DCC: variants seen among roughly 807,000 people sequenced by gnomAD.
DCC encodes DCC netrin 1 receptor.
A neutral mutation model predicts 172.5 loss-of-function variants in DCC; 58 were observed. The ratio of observed to expected loss-of-function variants is 0.34; its 90% CI spans 0.27 to 0.42. The LOEUF (loss-of-function observed/expected upper bound fraction) is 0.42, where lower values mean the gene tolerates loss of function less well. Among genes scored for constraint, DCC ranks in the 10% least tolerant of loss-of-function variants. DCC has a pLI of 1.00. For synonymous variants in DCC, 709 were observed against 644.5 expected (o/e 1.10, Z -1.52); for missense variants, 1,740 against 1,791.0 (o/e 0.97, Z 0.51).
chr18:52,747,570 C>T (rs2036925412), intron 1 of DCC, among the ~76,000 whole-genome samples: 1 of 152,154 alleles, frequency 6.6e-6, no homozygotes, highest in African/African-American at 2.4e-5. Flanking sequence ...CTCTGAGTAC[C>T]TAATTCCAGA....
chr18:52,874,021 C>A (rs527642400), intron 2 of DCC, among the ~76,000 whole-genome samples: 2 of 152,174 alleles, frequency 1.3e-5, no homozygotes, highest in South Asian at 2.1e-4. Context: ...TCTTCACGAT[C>A]AAAAATCAGT....
intron 21 of DCC, among the ~76,000 whole-genome samples, chr18:53,427,323 A>G (rs1555670207): frequency 6.6e-6 from 1 of 152,112 alleles, no homozygotes; most frequent in Non-Finnish European, 1.5e-5. Context: ...AGTGTGCATA[A>G]AAGGAGATTC....
intron 1 of DCC, among the ~76,000 whole-genome samples, chr18:52,664,828 G>A (rs910194141): frequency 1.2e-4 from 18 of 152,136 alleles, no homozygotes; most frequent in African/African-American, 4.3e-4. Flanking sequence ...CCTGTTATAT[G>A]ATGCGGCCAT....
intron 7 of DCC, among the ~76,000 whole-genome samples, chr18:53,122,513 A>AT (rs33921275): frequency 0.054 from 8,226 of 151,908 alleles, 295 homozygotes; most frequent in East Asian, 0.12. Context: ...TAAGATACAG[A>AT]TTTTTTTTCA....
At chr18:52,861,011 CAAA>C (rs74178687) in intron 2 of DCC, among the ~76,000 whole-genome samples, 20 of 120,946 alleles carry the variant, frequency 1.7e-4, no homozygotes, top group Admixed American at 6.7e-4. Flanking sequence ...GAATCCATTT[CAAA>C]AAAAAAAAAA....
intron 27 of DCC, among the ~76,000 whole-genome samples, chr18:53,501,563 G>T (rs1285914873): frequency 6.7e-6 from 1 of 150,244 alleles, no homozygotes; most frequent in Non-Finnish European, 1.5e-5. Flanking sequence ...ATGAGGAAAG[G>T]TAAGAACCTT....
chr18:53,365,021 G>A (rs1001519031), intron 15 of DCC, among the ~76,000 whole-genome samples: 4 of 151,524 alleles, frequency 2.6e-5, no homozygotes, highest in African/African-American at 7.3e-5. Context: ...AGCAAACTGC[G>A]CCCATTAACT....
chr18:52,870,683 C>T (rs1160361650), intron 2 of DCC, among the ~76,000 whole-genome samples: 2 of 145,848 alleles, frequency 1.4e-5, no homozygotes, highest in East Asian at 2.0e-4. Context: ...CAATCAGTCC[C>T]GTGCCCCACC....
rs558642391 is a variant in DCC at position 52,653,978 on chromosome 18, T to C, written c.92-98076T>C. Among the ~76,000 whole-genome samples the C allele has an allele frequency of 7.2e-5, 11 of 152,338 alleles. No homozygotes were observed. The South Asian group carries it at 2.1e-3, about 29-fold the overall frequency. On this transcript the variant is annotated intron_variant, in intron 1 of 28. Coordinates refer to ENST00000442544, the MANE Select transcript of DCC (RefSeq NM_005215.4). Reference sequence around the variant, plus strand: ...AATCTAAACTGCATTTTTAAAGAGATGCATTTATGTTACCATTTTTCCTAG... The same window carrying C: ...AATCTAAACTGCATTTTTAAAGAGACGCATTTATGTTACCATTTTTCCTAG...
rs112477500 is a variant in DCC, at chr18:53,442,781, T to C, written c.3229+7572T>C. Among the ~76,000 whole-genome samples the C allele has an allele frequency of 6.6e-3, 1,001 of 152,340 alleles. 10 individuals carry two copies. The highest frequency in any genetic ancestry group is 0.023 in the African/African-American group (974 of 41,576). On this transcript the variant is annotated intron_variant, in intron 22 of 28. Coordinates refer to ENST00000442544, the MANE Select transcript of DCC (RefSeq NM_005215.4). ...AGTGCTATTCTAGTGAACCCATGAA[T>C]GATAAGAAAGCAAAACAGCCTTATT...
At chr18:53,270,473 C>G (rs539537665) in intron 12 of DCC, among the ~76,000 whole-genome samples, 1 of 152,114 alleles carries the variant, frequency 6.6e-6, no homozygotes, top group East Asian at 1.9e-4. Context: ...GATTTTAATC[C>G]TAGAGTTTGG....
chr18:53,055,499 A>AT (rs2042391677), intron 5 of DCC, among the ~76,000 whole-genome samples: 2 of 152,036 alleles, frequency 1.3e-5, no homozygotes, highest in Non-Finnish European at 2.9e-5. Flanking sequence ...CTTGAAATCC[A>AT]TTTTTCTAGT....
chr18:52,353,886 G>T (rs916783681), intron 1 of DCC, among the ~76,000 whole-genome samples: 2 of 152,176 alleles, frequency 1.3e-5, no homozygotes, highest in African/African-American at 4.8e-5. Context: ...TTTGTGAAAG[G>T]TTATGTAAGG....
chr18:52,587,280 C>T (rs980973455), intron 1 of DCC, among the ~76,000 whole-genome samples: 1 of 152,142 alleles, frequency 6.6e-6, no homozygotes, highest in Non-Finnish European at 1.5e-5. Flanking sequence ...TGTTGCTGAG[C>T]CCATGTGTAA....
chr18:53,265,587 C>G (rs2056663826), intron 12 of DCC, among the ~76,000 whole-genome samples: 1 of 152,186 alleles, frequency 6.6e-6, no homozygotes, highest in Non-Finnish European at 1.5e-5. Context: ...TCAAGTTTGA[C>G]CTGTTTCCTT....
chr18:53,492,489 G>A (rs146502612), intron 26 of DCC, among the ~76,000 whole-genome samples: 1 of 152,086 alleles, frequency 6.6e-6, no homozygotes, highest in South Asian at 2.1e-4. Context: ...TGTATAAGGT[G>A]TAAAGAAGGG....
At chr18:53,160,209 C>T (rs544111988) in intron 8 of DCC, among the ~76,000 whole-genome samples, 2 of 152,250 alleles carry the variant, frequency 1.3e-5, no homozygotes, top group East Asian at 3.9e-4. Flanking sequence ...CTACTTGCTG[C>T]CATGGTTATA....
intron 12 of DCC, among the ~76,000 whole-genome samples, chr18:53,303,207 A>G (rs1228380025): frequency 6.6e-6 from 1 of 152,108 alleles, no homozygotes; most frequent in African/African-American, 2.4e-5. Flanking sequence ...CTTTTAATTC[A>G]TCTTCCAACT....
intron 1 of DCC, among the ~76,000 whole-genome samples, chr18:52,556,059 A>G (rs1460675589): frequency 6.6e-6 from 1 of 152,132 alleles, no homozygotes; most frequent in East Asian, 1.9e-4. Context: ...TTTGAATCAA[A>G]TTTCATTGAA....
Sources: gnomAD v4.1 joint callset for allele counts (sites outside exome capture counted in the v4.1 genomes callset) on GRCh38, gnomAD v4.1.1 for gene constraint, MANE v1.5 for transcripts, NCBI Gene and HGNC (gene_info 2026-07-23, HGNC 2026-07-21) for gene names.